Variants in BRD1 observed in about 807,000 individuals in gnomAD.
BRD1 encodes bromodomain containing 1.
Under a neutral mutation model 107.7 loss-of-function variants are expected in BRD1, and 24 were observed. That is an observed-to-expected ratio of 0.22 (90% CI 0.16 to 0.31). BRD1 has a LOEUF of 0.31. Among genes scored for constraint, BRD1 ranks in the 10% least tolerant of loss-of-function variants. The pLI is 1.00. For missense variants in BRD1, 1,279 were observed against 1,638.6 expected (o/e 0.78, Z 3.79); for synonymous variants, 744 against 686.1 (o/e 1.08, Z -1.32).
intron 2 of BRD1, among the ~76,000 whole-genome samples, chr22:49,817,916 T>C (rs1569135483): frequency 6.6e-6 from 1 of 152,108 alleles, no homozygotes; most frequent in Non-Finnish European, 1.5e-5. Context: ...GCTCAAGCAA[T>C]CCACCCACCT....
chr22:49,774,445 T>C (rs986439103), intron 12 of BRD1, 29 bp from the exon 13 acceptor site: 3 of 1,594,740 alleles, frequency 1.9e-6, no homozygotes, highest in Non-Finnish European at 1.7e-6. Flanking sequence ...AAGCGGAAAA[T>C]CATTGCTTGC....
Position 49,816,526 on chromosome 22 carries a change from C to A in BRD1, c.1367+6425G>T, listed in dbSNP as rs535258300. 9.3e-3 allele frequency among the ~76,000 whole-genome samples: 1,419 copies of A among 152,282 alleles called. 14 individuals carry two copies. The highest frequency in any genetic ancestry group is 0.064 in the South Asian group (308 of 4,818). ...GCTCAAGGGAGACAACGCCTCCCGA[C>A]AGTGACCCCAGAAAAAGTTCCAGAA... On this transcript the variant is annotated intron_variant, in intron 2 of 12. Coordinates refer to ENST00000404760, the MANE Select transcript of BRD1 (RefSeq NM_001304808.3).
intron 6 of BRD1, among the ~76,000 whole-genome samples, chr22:49,796,517 C>T (rs867100783): frequency 6.6e-6 from 1 of 151,920 alleles, no homozygotes; most frequent in Non-Finnish European, 1.5e-5. Context: ...CCACCATGCC[C>T]GGCTAATTTT....
At position 49,782,629 on chromosome 22, in the gene BRD1, G is replaced by A. The variant is rs541263684; in HGVS notation, c.2857+4761C>T. ...GACAGAACCAAGGCCCAGGCCAGACGCCTGCACGAGACCTGCTCTTGCTGG... is the reference window on the plus strand; with the variant it reads ...GACAGAACCAAGGCCCAGGCCAGACACCTGCACGAGACCTGCTCTTGCTGG... On this transcript the variant is annotated intron_variant, in intron 8 of 12. Coordinates refer to ENST00000404760, the MANE Select transcript of BRD1 (RefSeq NM_001304808.3). Among the ~76,000 whole-genome samples, 161 of 147,500 alleles carry A rather than the reference G, an allele frequency of 1.1e-3. 1 individual carries two copies. The highest frequency in any genetic ancestry group is 1.7e-3 in the South Asian group (8 of 4,592).
chr22:49,774,040 G>T lies in BRD1; in HGVS notation c.*193C>A. 1 of 666,762 alleles carries T rather than the reference G, an allele frequency of 1.5e-6. No homozygotes were observed. The highest frequency in any genetic ancestry group is 2.4e-6 in the Non-Finnish European group (1 of 418,932). The allele number at this position is 666,762 out of a possible 1,614,324, so 41.3% of individuals were successfully genotyped here. On this transcript the variant is annotated 3_prime_UTR_variant, in exon 13 of 13. Coordinates refer to ENST00000404760, the MANE Select transcript of BRD1 (RefSeq NM_001304808.3). ...GACAGACGCACTGGGCTGCCCGGACGTGCCCACCCCACTCACAGCGCCCAG... is the reference window on the plus strand; with the variant it reads ...GACAGACGCACTGGGCTGCCCGGACTTGCCCACCCCACTCACAGCGCCCAG...
Position 49,775,723 on chromosome 22 carries a change from C to T in BRD1, c.3254G>A (p.Arg1085His), listed in dbSNP as rs1193081900. 8 of 1,610,192 alleles carry T rather than the reference C, an allele frequency of 5.0e-6. No homozygotes were observed. The highest frequency in any genetic ancestry group is 1.4e-5 in the African/African-American group (1 of 73,374). Reference sequence around the variant, plus strand: ...GACGCCGTTGTGGTGGCCAGGCACACGGGGCATCTTGGGGTCGATGATCTG... The same window carrying T: ...GACGCCGTTGTGGTGGCCAGGCACATGGGGCATCTTGGGGTCGATGATCTG... ...PALIIDPKMP[R>H]VPGHHNGVTI... Residue 1085 changes from arginine (R) to histidine (H), a missense_variant, in exon 12 of 13, where the codon CGT becomes CAT. This residue lies in a region of BRD1 where 136 missense variants were observed against 196.8 expected (regional missense o/e 0.69). Transcript: ENST00000404760.
Position 49,824,727 on chromosome 22 carries a change from A to G in BRD1, c.-14-396T>C, listed in dbSNP as rs1364425815. The G allele has an allele frequency of 5.7e-6, 6 of 1,059,334 alleles. No individual in the cohort carries two copies. Among genetic ancestry groups the G allele is most frequent in the Non-Finnish European group, 6.9e-6 (6 of 874,208 alleles). 65.6% of individuals were successfully genotyped at this position (1,059,334 alleles called of 1,614,324 possible). A position where few individuals can be genotyped will look rare whatever the true frequency, so the allele number is the denominator to read the frequency against. ...AGGCGGTCCCCCAGGAAGTCCACATACAGGGCTGGACCCCACCAGGCACAG... is the reference window on the plus strand; with the variant it reads ...AGGCGGTCCCCCAGGAAGTCCACATGCAGGGCTGGACCCCACCAGGCACAG... On this transcript the variant is annotated intron_variant, in intron 1 of 12. Coordinates refer to ENST00000404760, the MANE Select transcript of BRD1 (RefSeq NM_001304808.3). This position sits in a 1 kb window ranked among gnomAD's most constrained non-coding sequence, Gnocchi z 5.9.
chr22:49,778,126 C>T (rs1487708631), intron 8 of BRD1, among the ~76,000 whole-genome samples: 1 of 152,188 alleles, frequency 6.6e-6, no homozygotes, highest in East Asian at 1.9e-4. Context: ...AGAAAGGATG[C>T]CGTGAGCCTG....
At chr22:49,784,412 C>T (rs2059281461) in intron 8 of BRD1, among the ~76,000 whole-genome samples, 1 of 152,184 alleles carries the variant, frequency 6.6e-6, no homozygotes, top group Non-Finnish European at 1.5e-5. Flanking sequence ...GGTGACGGTT[C>T]ACTGCTGGTG....
intron 10 of BRD1, among the ~76,000 whole-genome samples, chr22:49,776,493 C>G (rs756699751): frequency 2.0e-5 from 3 of 152,350 alleles, no homozygotes; most frequent in Middle Eastern, 3.4e-3. Context: ...GCTCCTGCCT[C>G]ATTTACACAA....
chr22:49,822,921 C>T (rs1271377830), intron 2 of BRD1, 30 bp downstream of exon 2: 1 of 1,608,464 alleles, frequency 6.2e-7, no homozygotes, highest in Non-Finnish European at 8.5e-7. Flanking sequence ...CTGCAGGCTC[C>T]TTGTGGACTC....
At chr22:49,795,236 G>A (rs1404572895) in intron 6 of BRD1, among the ~76,000 whole-genome samples, 1 of 152,080 alleles carries the variant, frequency 6.6e-6, no homozygotes, top group East Asian at 1.9e-4. Context: ...AGAAAGCCTC[G>A]AAACGTCTGT....
Position 49,823,967 on chromosome 22 carries a change from G to T in BRD1, c.351C>A (p.Leu117=). 1 of 1,614,070 alleles carries T rather than the reference G, an allele frequency of 6.2e-7. No individual in the cohort carries two copies. ...AHGTPASASA[L]PEPKVRIVEY... ...CCACGATGCGCACCTTGGGCTCCGGGAGGGCACTGGCCGAGGCCGGCGTGC... is the reference window on the plus strand; with the variant it reads ...CCACGATGCGCACCTTGGGCTCCGGTAGGGCACTGGCCGAGGCCGGCGTGC... The change falls in exon 2 of 13, where the codon CTC becomes CTA. Residue 117 remains leucine, a synonymous_variant. Transcript: ENST00000404760.
intron 8 of BRD1, among the ~76,000 whole-genome samples, chr22:49,778,132 G>A (rs907232474): frequency 2.0e-5 from 3 of 152,238 alleles, no homozygotes; most frequent in South Asian, 2.1e-4. Flanking sequence ...GATGCCGTGA[G>A]CCTGCCATGG....
intron 9 of BRD1, 80 bp downstream of exon 9, chr22:49,777,598 G>A: frequency 5.2e-6 from 8 of 1,538,656 alleles, no homozygotes; most frequent in Non-Finnish European, 7.0e-6. Flanking sequence ...GAGCTGGAAT[G>A]TCCCGGCTTC....
chr22:49,813,542 T>A (rs1322474757), intron 2 of BRD1, among the ~76,000 whole-genome samples: 1 of 150,156 alleles, frequency 6.7e-6, no homozygotes, highest in African/African-American at 2.4e-5. Flanking sequence ...ATTAAAAAAA[T>A]TTTTGGCCAG....
chr22:49,775,742 T>C lies in BRD1; in HGVS notation c.3235A>G (p.Ile1079Val). 6.3e-7 allele frequency: 1 copy of C among 1,596,728 alleles called. No individual in the cohort carries two copies. Among genetic ancestry groups the C allele is most frequent in the South Asian group, 1.1e-5 (1 of 89,530 alleles). ...GGCACACGGGGCATCTTGGGGTCGA[T>C]GATCTGCACGAGAAGGACCCGCTGA... The part of the protein sequence containing the change: ...SGYPSYPALI[I>V]DPKMPRVPGH... Residue 1079 changes from isoleucine to valine, a missense_variant, in exon 12 of 13, where the codon ATC becomes GTC. Transcript: ENST00000404760.
At position 49,792,910 on chromosome 22, in the gene BRD1, G is replaced by A. The variant is rs2059461231; in HGVS notation, c.2359+1124C>T. Among the ~76,000 whole-genome samples the A allele has an allele frequency of 6.6e-6, 1 of 152,178 alleles. No homozygotes were observed. Among genetic ancestry groups the A allele is most frequent in the South Asian group, 2.1e-4 (1 of 4,826 alleles). On this transcript the variant is annotated intron_variant, in intron 7 of 12. Transcript: ENST00000404760. This position sits in a 1 kb window ranked among gnomAD's most constrained non-coding sequence, Gnocchi z 4.2. ...ATGAAAAGGGCCCTGAGACCATGGGGACCCGCTGACCTGTGTGGCATCATG... is the reference window on the plus strand; with the variant it reads ...ATGAAAAGGGCCCTGAGACCATGGGAACCCGCTGACCTGTGTGGCATCATG...
intron 2 of BRD1, among the ~76,000 whole-genome samples, chr22:49,816,780 G>A (rs896616231): frequency 1.3e-5 from 2 of 152,232 alleles, no homozygotes; most frequent in African/African-American, 2.4e-5. Context: ...CAGGAAGTGA[G>A]TCCAGGTAGG....
Sources: allele counts gnomAD v4.1 joint callset (sites outside exome capture counted in the v4.1 genomes callset), GRCh38; gene constraint gnomAD v4.1.1; regional missense constraint gnomAD v4.1.1; non-coding constraint Gnocchi (gnomAD v3.1); transcripts MANE v1.5; gene names NCBI Gene and HGNC (gene_info 2026-07-23, HGNC 2026-07-21).